Variants in CTNNA3 observed in about 807,000 individuals in gnomAD.
CTNNA3 encodes the protein catenin alpha-3.
CTNNA3 carries 76 observed loss-of-function variants against 95.7 expected under a neutral mutation model. The observed-to-expected ratio is 0.79, with a 90% CI of 0.66 to 0.96. CTNNA3 has a LOEUF of 0.96. CTNNA3 is among the 40% of genes least tolerant of loss of function. The pLI, the probability that CTNNA3 is intolerant of heterozygous loss-of-function variation, is 0.00. For synonymous variants in CTNNA3, 431 were observed against 374.4 expected (o/e 1.15, Z -1.74); for missense variants, 1,191 against 1,089.8 (o/e 1.09, Z -1.31).
chr10:67,712,692 C>A (rs929137688), intron 1 of CTNNA3, among the ~76,000 whole-genome samples: 6 of 152,200 alleles, frequency 3.9e-5, no homozygotes, highest in African/African-American at 1.4e-4. Flanking sequence ...GGAAACGATT[C>A]CCTATTTAAT....
intron 10 of CTNNA3, among the ~76,000 whole-genome samples, chr10:66,545,873 C>G (rs899605193): frequency 6.6e-6 from 1 of 151,422 alleles, no homozygotes; most frequent in Non-Finnish European, 1.5e-5. Context: ...TAGCTTCTGT[C>G]TTTGTATATT....
At chr10:67,252,134 C>T (rs938387234) in intron 5 of CTNNA3, among the ~76,000 whole-genome samples, 27 of 151,470 alleles carry the variant, frequency 1.8e-4, no homozygotes, top group African/African-American at 6.3e-4. Context: ...TCGTTTGAAC[C>T]CAGGAGGTGG....
At chr10:67,506,762 AT>A (rs1406753253) in intron 5 of CTNNA3, among the ~76,000 whole-genome samples, 1 of 152,190 alleles carries the variant, frequency 6.6e-6, no homozygotes, top group Non-Finnish European at 1.5e-5. Context: ...ACAGGTAGAG[AT>A]GTACAGCTTG....
chr10:66,387,016 C>G (rs956077930), intron 11 of CTNNA3, among the ~76,000 whole-genome samples: 10 of 152,068 alleles, frequency 6.6e-5, no homozygotes, highest in African/African-American at 2.4e-4. Flanking sequence ...TAGGCAATAC[C>G]ATTCAGGACA....
chr10:65,953,073 A>G (rs2077651688), intron 17 of CTNNA3, among the ~76,000 whole-genome samples: 1 of 152,136 alleles, frequency 6.6e-6, no homozygotes, highest in Non-Finnish European at 1.5e-5. Context: ...TTGTTCCTGA[A>G]TTTCCTTTTT....
rs1294274914 is a variant in CTNNA3, at chr10:67,391,551, CTACTT to C, written c.579+130286_579+130290del. On this transcript the variant is annotated intron_variant, in intron 5 of 17. Coordinates refer to ENST00000433211, the MANE Select transcript of CTNNA3 (RefSeq NM_013266.4). ...CCTTTCTTCACAGAATTGGAAAAAA[CTACTT>C]TAAAGTTCATATGGAACCAAAAAAG... Among the ~76,000 whole-genome samples, 13 of 151,784 alleles carry C rather than the reference CTACTT, an allele frequency of 8.6e-5. No individual in the cohort carries two copies. The South Asian group carries it at 2.7e-3, about 32-fold the overall frequency.
At chr10:67,244,645 T>A (rs749496272) in intron 5 of CTNNA3, among the ~76,000 whole-genome samples, 3 of 152,134 alleles carry the variant, frequency 2.0e-5, no homozygotes, top group Non-Finnish European at 2.9e-5. Flanking sequence ...AATAATAAAT[T>A]TGGCTAAAAT....
intron 7 of CTNNA3, among the ~76,000 whole-genome samples, chr10:67,032,962 T>A (rs563605303): frequency 6.6e-6 from 1 of 152,292 alleles, no homozygotes; most frequent in Admixed American, 6.5e-5. Context: ...AATGGCTGGC[T>A]TTTGAAATTC....
At chr10:66,213,084 G>A (rs145470598) in intron 13 of CTNNA3, among the ~76,000 whole-genome samples, 43 of 152,092 alleles carry the variant, frequency 2.8e-4, no homozygotes, top group African/African-American at 9.9e-4. Flanking sequence ...ACATATTAAT[G>A]TATTACATTT....
intron 1 of CTNNA3, among the ~76,000 whole-genome samples, chr10:67,655,907 A>G (rs1309303367): frequency 2.0e-5 from 3 of 152,148 alleles, no homozygotes; most frequent in Non-Finnish European, 4.4e-5. Flanking sequence ...AAGGATTGAA[A>G]CCAGATGTTA....
In CTNNA3 at chr10:66,517,065, C is replaced by A. The variant is rs549827486; in HGVS notation, c.1531+3552G>T. Among the ~76,000 whole-genome samples, 10 of 151,750 alleles carry A rather than the reference C, an allele frequency of 6.6e-5. No individual in the cohort carries two copies. In the South Asian group the frequency reaches 1.3e-3, roughly 19 times the overall value. On this transcript the variant is annotated intron_variant, in intron 11 of 17. Transcript: ENST00000433211. ...GTGAAACTCCATCTCTACTAAAAAT[C>A]AAAAAAATTAGCCAGGTGTGGTGGC...
At chr10:66,458,914 G>C (rs1189136110) in intron 11 of CTNNA3, among the ~76,000 whole-genome samples, 2 of 152,058 alleles carry the variant, frequency 1.3e-5, no homozygotes, top group Non-Finnish European at 2.9e-5. Context: ...TTTGTGTCCT[G>C]GCTTTCAATT....
In CTNNA3 at chr10:66,548,615, C is replaced by A. The variant is rs139610257; in HGVS notation, c.1375-27842G>T. 3.6e-3 allele frequency among the ~76,000 whole-genome samples: 551 copies of A among 152,132 alleles called. 6 individuals carry two copies. The highest frequency in any genetic ancestry group is 0.013 in the African/African-American group (538 of 41,494). On this transcript the variant is annotated intron_variant, in intron 10 of 17. Coordinates refer to ENST00000433211, the MANE Select transcript of CTNNA3 (RefSeq NM_013266.4). ...ACATTTTCCATTGATTCCTAATTGG[C>A]TAAAATTCTGATTTTGTCAGATATT...
At chr10:67,137,471 A>G (rs1860354560) in intron 7 of CTNNA3, among the ~76,000 whole-genome samples, 1 of 152,146 alleles carries the variant, frequency 6.6e-6, no homozygotes, top group Admixed American at 6.5e-5. Context: ...TAGTTACTCA[A>G]TTTCATATCA....
rs1843239483 is a variant in CTNNA3, at chr10:66,845,725, A to AAAACAC, written c.1048-70202_1048-70201insGTGTTT. Among the ~76,000 whole-genome samples, 7 of 100,340 alleles carry AAAACAC rather than the reference A, an allele frequency of 7.0e-5. 1 individual carries two copies. The highest frequency in any genetic ancestry group is 5.9e-4 in the Admixed American group (5 of 8,426). 65.8% of individuals were successfully genotyped at this position (100,340 alleles called of 152,430 possible). A position where few individuals can be genotyped will look rare whatever the true frequency, so the allele number is the denominator to read the frequency against. ...TCTCAAAAAAAAAAAAAAAAAAAAAAAAAACTAAAAAGGTGAGATATATAT... is the reference window on the plus strand; with the variant it reads ...TCTCAAAAAAAAAAAAAAAAAAAAAAAAACACAAAACTAAAAAGGTGAGATATATAT... On this transcript the variant is annotated intron_variant, in intron 7 of 17. Transcript: ENST00000433211.
chr10:67,180,423 A>G lies in CTNNA3; in HGVS notation c.941T>C (p.Leu314Pro). Residue 314 changes from leucine (L) to proline (P), a missense_variant, in exon 7 of 18, where the codon CTG (leucine) becomes CCG (proline). Physicochemically the swap from Leu to Pro is moderately conservative, Grantham distance 98 (BLOSUM62 -3). Transcript: ENST00000433211. ...LEAIISGAAL[L>P]ADSSCTRDLH... is the part of the protein sequence containing the mutation. Reference sequence around the variant, plus strand: ...GTCCCTCGTACATGAAGAATCCGCCAGCAGAGCAGCCCCACTGATAATGGC... The same window carrying G: ...GTCCCTCGTACATGAAGAATCCGCCGGCAGAGCAGCCCCACTGATAATGGC... 1 of 1,613,880 alleles carries G rather than the reference A, an allele frequency of 6.2e-7. No individual in the cohort carries two copies.
intron 10 of CTNNA3, among the ~76,000 whole-genome samples, chr10:66,608,533 C>A (rs1367941467): frequency 1.3e-5 from 2 of 152,070 alleles, no homozygotes; most frequent in African/African-American, 4.8e-5. Flanking sequence ...CAACATGCTA[C>A]TAGCTTCAAA....
chr10:66,909,725 T>C (rs1846141682), intron 7 of CTNNA3, among the ~76,000 whole-genome samples: 1 of 152,042 alleles, frequency 6.6e-6, no homozygotes, highest in African/African-American at 2.4e-5. Context: ...TTTGAGTGAG[T>C]TTCATGCTTA....
At chr10:66,052,313 T>C (rs539679406) in intron 15 of CTNNA3, among the ~76,000 whole-genome samples, 1 of 152,246 alleles carries the variant, frequency 6.6e-6, no homozygotes, top group Admixed American at 6.5e-5. Flanking sequence ...GGCACTGAGA[T>C]AAATTCTTAT....
Sources: allele counts gnomAD v4.1 joint callset (sites outside exome capture counted in the v4.1 genomes callset), GRCh38; gene constraint gnomAD v4.1.1; transcripts MANE v1.5; gene names NCBI Gene and HGNC (gene_info 2026-07-23, HGNC 2026-07-21).